Variants in UVRAG observed in about 807,000 individuals in gnomAD.
UVRAG encodes the protein UV radiation resistance associated, also known as UV radiation resistance-associated gene protein.
UVRAG carries 19 observed loss-of-function variants against 78.0 expected under a neutral mutation model. That is an observed-to-expected ratio of 0.24 (90% CI 0.17 to 0.36). The LOEUF (loss-of-function observed/expected upper bound fraction) is 0.36, where lower values mean the gene tolerates loss of function less well. UVRAG is among the 10% of genes least tolerant of loss of function. The pLI is 1.00. For synonymous variants in UVRAG, 323 were observed against 324.6 expected (o/e 1.00, Z 0.05); for missense variants, 740 against 853.8 (o/e 0.87, Z 1.66).
intron 7 of UVRAG, among the ~76,000 whole-genome samples, chr11:75,979,097 C>T (rs2135263866): frequency 6.6e-6 from 1 of 152,346 alleles, no homozygotes; most frequent in Middle Eastern, 3.4e-3. Flanking sequence ...TTCTAACACT[C>T]AGGACCCTCA....
chr11:75,843,950 C>A (rs1014569506), intron 1 of UVRAG, among the ~76,000 whole-genome samples: 4 of 142,672 alleles, frequency 2.8e-5, no homozygotes, highest in African/African-American at 8.1e-5. Flanking sequence ...CAGAGCAAGA[C>A]GCCATCTAAA....
At chr11:76,050,883 A>T (rs1440795139) in intron 12 of UVRAG, among the ~76,000 whole-genome samples, 1 of 152,202 alleles carries the variant, frequency 6.6e-6, no homozygotes, top group Non-Finnish European at 1.5e-5. Context: ...AGTTCATACC[A>T]CAAGTGAATA....
chr11:75,829,616 A>G (rs1016144622), intron 1 of UVRAG, among the ~76,000 whole-genome samples: 4 of 152,236 alleles, frequency 2.6e-5, no homozygotes, highest in African/African-American at 9.6e-5. Flanking sequence ...CTTCTGGTGC[A>G]TGAGAGACAA....
chr11:76,089,228 A>T (rs1951650144), intron 13 of UVRAG, among the ~76,000 whole-genome samples: 1 of 152,186 alleles, frequency 6.6e-6, no homozygotes, highest in Non-Finnish European at 1.5e-5. Context: ...AGGAGAAATT[A>T]TACAGTAAGC....
At chr11:76,092,190 G>A (rs1951712086) in intron 13 of UVRAG, among the ~76,000 whole-genome samples, 1 of 152,128 alleles carries the variant, frequency 6.6e-6, no homozygotes, top group South Asian at 2.1e-4. Context: ...TGGCTGCATA[G>A]TATTCCATGG....
chr11:75,880,806 C>T (rs1300954107), intron 4 of UVRAG, among the ~76,000 whole-genome samples: 2 of 151,936 alleles, frequency 1.3e-5, no homozygotes, highest in Non-Finnish European at 2.9e-5. Context: ...ACACCCGCCT[C>T]GGCCTCCCAA....
intron 13 of UVRAG, among the ~76,000 whole-genome samples, chr11:76,077,231 ATATT>A (rs1951419990): frequency 6.6e-6 from 1 of 151,028 alleles, no homozygotes; most frequent in African/African-American, 2.4e-5. Flanking sequence ...TCAAAAAATT[ATATT>A]TATTTATACA....
chr11:76,135,853 A>G (rs1952589406), intron 14 of UVRAG, among the ~76,000 whole-genome samples: 1 of 152,154 alleles, frequency 6.6e-6, no homozygotes, highest in South Asian at 2.1e-4. Flanking sequence ...AAGAAAAGCT[A>G]CTGTGTTTCC....
intron 3 of UVRAG, among the ~76,000 whole-genome samples, chr11:75,875,301 G>A (rs1181583907): frequency 6.6e-6 from 1 of 152,112 alleles, no homozygotes; most frequent in Non-Finnish European, 1.5e-5. Context: ...ATATGTTAGT[G>A]TCACACTCCC....
chr11:75,904,143 T>G (rs1473939611), intron 5 of UVRAG, among the ~76,000 whole-genome samples: 3 of 152,224 alleles, frequency 2.0e-5, no homozygotes, highest in Non-Finnish European at 4.4e-5. Flanking sequence ...ACATTTACTA[T>G]GTGGCCCTTT....
At chr11:75,844,835 A>G (rs942795287) in intron 1 of UVRAG, among the ~76,000 whole-genome samples, 2 of 151,866 alleles carry the variant, frequency 1.3e-5, no homozygotes, top group African/African-American at 4.8e-5. Context: ...CACCATGCCC[A>G]ACTAATTTTT....
chr11:75,920,032 TTTTTTTTTTTTG>T (rs1290007408), intron 6 of UVRAG, among the ~76,000 whole-genome samples: 1 of 118,938 alleles, frequency 8.4e-6, no homozygotes, highest in Non-Finnish European at 1.7e-5. Context: ...TTTTTTTTTT[TTTTTTTTTTTTG>T]GGACGAAGTC....
At chr11:75,920,665 T>C (rs547024176) in intron 6 of UVRAG, among the ~76,000 whole-genome samples, 69 of 152,262 alleles carry the variant, frequency 4.5e-4, no homozygotes, top group African/African-American at 1.6e-3. Flanking sequence ...CCTTCACCCA[T>C]GTTAACAATC....
chr11:76,102,856 G>A (rs1321217155), intron 13 of UVRAG, among the ~76,000 whole-genome samples: 2 of 152,122 alleles, frequency 1.3e-5, no homozygotes, highest in Admixed American at 6.6e-5. Context: ...GAAGCTGGGT[G>A]GGCTCAGCTG....
In UVRAG at chr11:76,141,020, T is replaced by A; in HGVS notation, c.1707T>A (p.Val569=). 6.2e-7 allele frequency: 1 copy of A among 1,614,062 alleles called. No individual in the cohort carries two copies. The highest frequency in any genetic ancestry group is 8.5e-7 in the Non-Finnish European group (1 of 1,180,032). ...ACAAGAAAAAAGGAGAGGATCTAGT[T>A]GGCAGCTTAAACGGAGGCCACGCGA... is the stretch of plus-strand genomic sequence containing the variant. ...KENKKKGEDL[V]GSLNGGHANV... The change falls in exon 15 of 15, where the codon GTT becomes GTA. Residue 569 remains valine, a synonymous_variant. Coordinates refer to ENST00000356136, the MANE Select transcript of UVRAG (RefSeq NM_003369.4).
chr11:75,865,287 C>CAAAAAAAAAAA (rs1195072746), intron 3 of UVRAG, among the ~76,000 whole-genome samples: 12 of 45,558 alleles, frequency 2.6e-4, no homozygotes, highest in South Asian at 8.1e-4. Flanking sequence ...AACTCCATCT[C>CAAAAAAAAAAA]AAAAAAAAAA....
chr11:75,883,543 CTAAGA>C (rs1947002980), intron 4 of UVRAG, among the ~76,000 whole-genome samples: 1 of 151,976 alleles, frequency 6.6e-6, no homozygotes, highest in African/African-American at 2.4e-5. Context: ...GAACATGAGG[CTAAGA>C]TGTTTTAGGA....
Position 76,004,103 on chromosome 11 carries a change from G to T in UVRAG, c.911+14G>T. On this transcript the variant is annotated intron_variant, in intron 9 of 14. Transcript: ENST00000356136. ...CACTGCAAAAAGGTAAATGCACACT[G>T]AGAAGAATTGCTGTGAGTGTGGAGT... 6.2e-7 allele frequency: 1 copy of T among 1,611,174 alleles called. No homozygotes were observed. Among genetic ancestry groups the T allele is most frequent in the South Asian group, 1.1e-5 (1 of 90,968 alleles).
intron 3 of UVRAG, among the ~76,000 whole-genome samples, chr11:75,872,844 G>A (rs1946683954): frequency 3.3e-5 from 5 of 152,206 alleles, no homozygotes; most frequent in Admixed American, 3.3e-4. Context: ...GGACTCTTGA[G>A]TTTCATGAAG....
Sources: gnomAD v4.1 joint callset for allele counts (sites outside exome capture counted in the v4.1 genomes callset) on GRCh38, gnomAD v4.1.1 for gene constraint, MANE v1.5 for transcripts, NCBI Gene and HGNC (gene_info 2026-07-23, HGNC 2026-07-21) for gene names.